MACROD2: variants seen among roughly 807,000 people sequenced by gnomAD.
MACROD2 encodes the protein mono-ADP ribosylhydrolase 2.
MACROD2 carries 36 observed loss-of-function variants against 70.4 expected under a neutral mutation model. The observed-to-expected ratio is 0.51, with a 90% CI of 0.39 to 0.68. The LOEUF is 0.68. MACROD2 is among the 30% of genes least tolerant of loss of function. The pLI is 0.00. For missense variants in MACROD2, 496 were observed against 538.4 expected (o/e 0.92, Z 0.78); for synonymous variants, 172 against 178.8 (o/e 0.96, Z 0.30).
At chr20:16,025,399 A>G (rs983803100) in intron 15 of MACROD2, among the ~76,000 whole-genome samples, 11 of 152,242 alleles carry the variant, frequency 7.2e-5, no homozygotes, top group African/African-American at 1.2e-4. Flanking sequence ...GAAAAAAGCA[A>G]AAGATTCTTG....
At chr20:14,657,621 T>C (rs996067460) in intron 4 of MACROD2, among the ~76,000 whole-genome samples, 2 of 152,230 alleles carry the variant, frequency 1.3e-5, no homozygotes, top group African/African-American at 2.4e-5. Flanking sequence ...AGGGTAATAG[T>C]ATACGTCTTT....
In MACROD2 at chr20:14,506,049, G is replaced by C. The variant is rs186088376; in HGVS notation, c.301+12541G>C. On this transcript the variant is annotated intron_variant, in intron 4 of 17. Transcript: ENST00000684519. The stretch of plus-strand genomic sequence containing the variant: ...AAATCTGCAAGGGTTGGGAGTGTTG[G>C]GGGGTGGGCAGGTTGTGCCTCTGTA... 2.7e-3 allele frequency among the ~76,000 whole-genome samples: 407 copies of C among 152,274 alleles called. 2 individuals carry two copies. Among genetic ancestry groups the C allele is most frequent in the Non-Finnish European group, 4.7e-3 (317 of 68,016 alleles).
intron 5 of MACROD2, among the ~76,000 whole-genome samples, chr20:14,752,602 T>C (rs1449213271): frequency 6.6e-6 from 1 of 152,164 alleles, no homozygotes; most frequent in Non-Finnish European, 1.5e-5. Context: ...CAGAAAAATC[T>C]TATTGAAAAG....
At chr20:15,051,845 A>G (rs1019738174) in intron 5 of MACROD2, among the ~76,000 whole-genome samples, 1 of 148,576 alleles carries the variant, frequency 6.7e-6, no homozygotes, top group Non-Finnish European at 1.5e-5. Context: ...TCCACCTCCC[A>G]GGTTCAAGCC....
intron 8 of MACROD2, among the ~76,000 whole-genome samples, chr20:15,842,442 C>T (rs2147132821): frequency 6.7e-6 from 1 of 149,760 alleles, no homozygotes; most frequent in South Asian, 2.1e-4. Context: ...GCCAAAAATC[C>T]CGAGACCTTT....
chr20:14,730,113 G>A (rs188424439), intron 5 of MACROD2, among the ~76,000 whole-genome samples: 3 of 152,138 alleles, frequency 2.0e-5, no homozygotes, highest in African/African-American at 7.2e-5. Context: ...AGAAAATATG[G>A]GAGCCAGATG....
At chr20:15,938,868 G>C (rs2065707332) in intron 12 of MACROD2, among the ~76,000 whole-genome samples, 1 of 152,202 alleles carries the variant, frequency 6.6e-6, no homozygotes, top group African/African-American at 2.4e-5. Flanking sequence ...GTGGACACAT[G>C]AATGATAAGA....
intron 4 of MACROD2, among the ~76,000 whole-genome samples, chr20:14,505,126 A>T (rs1569998): frequency 1.2e-4 from 19 of 152,146 alleles, no homozygotes; most frequent in Admixed American, 5.2e-4. Context: ...TATAAAATTC[A>T]GTTCTGTTTT....
At chr20:14,596,942 T>G (rs935791367) in intron 4 of MACROD2, among the ~76,000 whole-genome samples, 1 of 152,224 alleles carries the variant, frequency 6.6e-6, no homozygotes, top group Non-Finnish European at 1.5e-5. Flanking sequence ...ATTGTGTAAA[T>G]TATTATGATT....
intron 6 of MACROD2, among the ~76,000 whole-genome samples, chr20:15,423,612 G>T (rs767570917): frequency 1.3e-5 from 2 of 151,814 alleles, no homozygotes; most frequent in African/African-American, 2.4e-5. Context: ...TCTTTCTGTG[G>T]CCTCATATAG....
chr20:14,114,381 G>T lies in MACROD2; in HGVS notation c.271+28653G>T, dbSNP rs1022690641. Among the ~76,000 whole-genome samples the T allele has an allele frequency of 3.9e-5, 6 of 152,080 alleles. No individual in the cohort carries two copies. The South Asian group carries it at 1.2e-3, about 32-fold the overall frequency. ...TTTATAGTGCATAGAAAGTTAAATTGAATATTGATCCTTGAAAAGCAAATG... is the reference window on the plus strand; with the variant it reads ...TTTATAGTGCATAGAAAGTTAAATTTAATATTGATCCTTGAAAAGCAAATG... On this transcript the variant is annotated intron_variant, in intron 3 of 17. Transcript: ENST00000684519.
intron 3 of MACROD2, among the ~76,000 whole-genome samples, chr20:14,481,975 G>T (rs1449044611): frequency 6.6e-6 from 1 of 152,144 alleles, no homozygotes; most frequent in African/African-American, 2.4e-5. Context: ...TTTCTACCTT[G>T]ATAAGCTTAC....
chr20:15,631,288 G>A (rs2049286968), intron 8 of MACROD2, among the ~76,000 whole-genome samples: 1 of 152,148 alleles, frequency 6.6e-6, no homozygotes, highest in South Asian at 2.1e-4. Context: ...GTGTTCCACT[G>A]GACTAATGAA....
chr20:15,506,107 G>A, intron 8 of MACROD2, among the ~76,000 whole-genome samples: 1 of 152,148 alleles, frequency 6.6e-6, no homozygotes, highest in East Asian at 1.9e-4. Context: ...GTTGATGCCA[G>A]CCAAGGCTCC....
At chr20:15,210,484 A>G (rs1030347347) in intron 5 of MACROD2, among the ~76,000 whole-genome samples, 8 of 150,682 alleles carry the variant, frequency 5.3e-5, no homozygotes, top group African/African-American at 2.0e-4. Context: ...GCCATCCACC[A>G]TCTACTAACT....
chr20:15,901,496 C>G (rs1242469587), intron 10 of MACROD2, among the ~76,000 whole-genome samples: 4 of 152,170 alleles, frequency 2.6e-5, no homozygotes, highest in African/African-American at 9.7e-5. Flanking sequence ...ACAACTGATA[C>G]CGCACTCTAG....
At chr20:15,664,770 C>A (rs1439241914) in intron 8 of MACROD2, among the ~76,000 whole-genome samples, 2 of 152,132 alleles carry the variant, frequency 1.3e-5, no homozygotes, top group Non-Finnish European at 2.9e-5. Flanking sequence ...CAGACCCAGC[C>A]TCTGCTTGGA....
intron 5 of MACROD2, among the ~76,000 whole-genome samples, chr20:14,928,050 G>A (rs993707703): frequency 3.9e-5 from 6 of 152,202 alleles, no homozygotes; most frequent in Admixed American, 2.0e-4. Context: ...ACCCACTGGC[G>A]TGCAAAAGAA....
At chr20:15,798,823 A>T (rs1600908227) in intron 8 of MACROD2, among the ~76,000 whole-genome samples, 1 of 152,184 alleles carries the variant, frequency 6.6e-6, no homozygotes, top group Non-Finnish European at 1.5e-5. Context: ...ATTTCTGGGT[A>T]TGACCACTAA....
Sources: gnomAD v4.1 joint callset for allele counts (sites outside exome capture counted in the v4.1 genomes callset) on GRCh38, gnomAD v4.1.1 for gene constraint, MANE v1.5 for transcripts, NCBI Gene and HGNC (gene_info 2026-07-23, HGNC 2026-07-21) for gene names.